The following CERS6 variants were observed in gnomAD, a reference collection of about 807,000 sequenced individuals.
CERS6 encodes LAG1 homolog, ceramide synthase 6.
A neutral mutation model predicts 56.8 loss-of-function variants in CERS6; 26 were observed. The observed-to-expected ratio is 0.46, with a 90% CI of 0.34 to 0.63. CERS6 has a LOEUF of 0.63. CERS6 is among the 30% of genes least tolerant of loss of function. The pLI, the probability that CERS6 is intolerant of heterozygous loss-of-function variation, is 0.01. For missense variants in CERS6, 415 were observed against 467.5 expected, an observed-to-expected ratio of 0.89 and a Z score of 1.04; for synonymous variants, 164 against 173.3, an observed-to-expected ratio of 0.95 and a Z score of 0.42.
chr2:168,665,335 T>A (rs1008398371), intron 4 of CERS6, among the ~76,000 whole-genome samples: 5 of 152,174 alleles, frequency 3.3e-5, no homozygotes, highest in Non-Finnish European at 5.9e-5. Context: ...ACGGTGGGTA[T>A]AACATAAGTT....
intron 7 of CERS6, among the ~76,000 whole-genome samples, chr2:168,717,412 T>G (rs1021628685): frequency 2.6e-5 from 4 of 152,152 alleles, no homozygotes; most frequent in African/African-American, 9.7e-5. Flanking sequence ...GCAGAAAAGC[T>G]CCATATATTC....
chr2:168,769,725 T>G lies in CERS6; in HGVS notation c.*63T>G. 8 of 1,547,280 alleles carry G rather than the reference T, an allele frequency of 5.2e-6. No homozygotes were observed. The highest frequency in any genetic ancestry group is 7.0e-6 in the Non-Finnish European group (8 of 1,135,640). ...TTGTTCCTGGAAGTATTTAATAAGT[T>G]GCAAATGCAGTTCCTTTCATAATAT... On this transcript the variant is annotated 3_prime_UTR_variant, in exon 10 of 10. Coordinates refer to ENST00000305747, the MANE Select transcript of CERS6 (RefSeq NM_203463.3).
In CERS6 at chr2:168,771,183, C is replaced by T. The variant is rs979519688; in HGVS notation, c.*1521C>T. On this transcript the variant is annotated 3_prime_UTR_variant, in exon 10 of 10. Transcript: ENST00000305747. ...AGACAACAGCAGAAATGCTAACAAGCGTGCAGAAACACCAGAGAGTGCGTA... is the reference window on the plus strand; with the variant it reads ...AGACAACAGCAGAAATGCTAACAAGTGTGCAGAAACACCAGAGAGTGCGTA... 1.3e-5 allele frequency: 2 copies of T among 151,790 alleles called. No individual in the cohort carries two copies. The highest frequency in any genetic ancestry group is 1.5e-5 in the Non-Finnish European group (1 of 67,978). The allele number at this position is 151,790 out of a possible 1,614,324, so 9.4% of individuals were successfully genotyped here.
At chr2:168,484,225 A>T (rs1359186251) in intron 1 of CERS6, among the ~76,000 whole-genome samples, 1 of 111,548 alleles carries the variant, frequency 9.0e-6, no homozygotes, top group African/African-American at 3.5e-5. Context: ...CCTGTTGCCC[A>T]GGCTAAAGGA....
At chr2:168,636,259 C>G (rs1413310463) in intron 4 of CERS6, among the ~76,000 whole-genome samples, 1 of 152,110 alleles carries the variant, frequency 6.6e-6, no homozygotes, top group Non-Finnish European at 1.5e-5. Flanking sequence ...AAACTGGAAG[C>G]CTGTTTTGCT....
At chr2:168,658,018 A>T (rs2105325249) in intron 4 of CERS6, among the ~76,000 whole-genome samples, 1 of 152,334 alleles carries the variant, frequency 6.6e-6, no homozygotes, top group African/African-American at 2.4e-5. Flanking sequence ...AATACAATAT[A>T]GTAATTAAGA....
intron 1 of CERS6, among the ~76,000 whole-genome samples, chr2:168,477,169 GAGAC>G (rs1379505809): frequency 1.7e-5 from 2 of 119,898 alleles, no homozygotes; most frequent in Non-Finnish European, 3.4e-5. Flanking sequence ...GAATGAGGGA[GAGAC>G]AGAGAGAGAG....
intron 1 of CERS6, among the ~76,000 whole-genome samples, chr2:168,487,629 G>C (rs771198130): frequency 6.6e-6 from 1 of 152,108 alleles, no homozygotes; most frequent in Non-Finnish European, 1.5e-5. Context: ...TCTACATTTA[G>C]TTGCTTCTGA....
chr2:168,458,824 T>G (rs1693726436), intron 1 of CERS6, among the ~76,000 whole-genome samples: 1 of 152,268 alleles, frequency 6.6e-6, no homozygotes, highest in Admixed American at 6.5e-5. Context: ...CTCAATTCTC[T>G]GAAAATCCAC....
intron 4 of CERS6, among the ~76,000 whole-genome samples, chr2:168,663,444 C>T (rs964694089): frequency 5.9e-5 from 9 of 152,094 alleles, no homozygotes; most frequent in Non-Finnish European, 1.2e-4. Context: ...AGAGGGGTCT[C>T]ACTATGTTGC....
chr2:168,476,502 T>C (rs1694073072), intron 1 of CERS6, among the ~76,000 whole-genome samples: 1 of 152,060 alleles, frequency 6.6e-6, no homozygotes, highest in African/African-American at 2.4e-5. Context: ...GATAAATATG[T>C]TAGATAGATT....
intron 1 of CERS6, among the ~76,000 whole-genome samples, chr2:168,503,991 G>T (rs1694631943): frequency 6.6e-6 from 1 of 152,224 alleles, no homozygotes; most frequent in African/African-American, 2.4e-5. Context: ...GTTAATGTGT[G>T]TCCAAGAAAC....
At chr2:168,752,279 ATGTGTGTGTGTGTG>A (rs397870530) in intron 8 of CERS6, among the ~76,000 whole-genome samples, 13 of 132,512 alleles carry the variant, frequency 9.8e-5, no homozygotes, top group South Asian at 8.0e-4. Flanking sequence ...AAAAAAATAA[ATGTGTGTGTGTGTG>A]TGTGTGTGTG....
At chr2:168,612,933 T>G (rs868627850) in intron 3 of CERS6, among the ~76,000 whole-genome samples, 1 of 152,226 alleles carries the variant, frequency 6.6e-6, no homozygotes, top group South Asian at 2.1e-4. Context: ...CAGCCTGGCT[T>G]ACAGGTCTGG....
chr2:168,460,458 A>C (rs1326749261), intron 1 of CERS6, among the ~76,000 whole-genome samples: 1 of 152,092 alleles, frequency 6.6e-6, no homozygotes, highest in Non-Finnish European at 1.5e-5. Flanking sequence ...TGGCCTCCCA[A>C]AGTGCTGGGA....
rs1453969334 is a variant in CERS6, at chr2:168,773,235, G to T, written c.*3573G>T. The T allele has an allele frequency of 6.6e-6, 1 of 152,034 alleles. No homozygotes were observed. The highest frequency in any genetic ancestry group is 1.5e-5 in the Non-Finnish European group (1 of 68,018). The allele number at this position is 152,034 out of a possible 1,614,324, so 9.4% of individuals were successfully genotyped here. ...TGCCAAAGTTGCCTGAACATTGGGC[G>T]GTTTTCTTAATTTGAAGTATAAAAA... On this transcript the variant is annotated 3_prime_UTR_variant, in exon 10 of 10. Transcript: ENST00000305747.
intron 1 of CERS6, among the ~76,000 whole-genome samples, chr2:168,461,396 G>C (rs943292871): frequency 6.6e-6 from 1 of 150,550 alleles, no homozygotes; most frequent in Non-Finnish European, 1.5e-5. Context: ...GGAGGCTGAG[G>C]CTGCAGTGAG....
chr2:168,659,477 T>A (rs899644798), intron 4 of CERS6, among the ~76,000 whole-genome samples: 2 of 152,198 alleles, frequency 1.3e-5, no homozygotes, highest in African/African-American at 4.8e-5. Context: ...ATACACATTG[T>A]TCATCAGATT....
At chr2:168,457,783 C>T (rs1250548917) in intron 1 of CERS6, among the ~76,000 whole-genome samples, 1 of 152,114 alleles carries the variant, frequency 6.6e-6, no homozygotes, top group Non-Finnish European at 1.5e-5. Flanking sequence ...GGTGGCAGAA[C>T]GCGTCTTTTG....
Sources: allele counts gnomAD v4.1 joint callset (sites outside exome capture counted in the v4.1 genomes callset), GRCh38; gene constraint gnomAD v4.1.1; transcripts MANE v1.5; gene names NCBI Gene and HGNC (gene_info 2026-07-23, HGNC 2026-07-21).